Variants in CCDC149 observed in about 807,000 individuals in gnomAD.
The protein encoded by CCDC149 is coiled-coil domain containing 149.
In CCDC149, 45 loss-of-function variants were observed where a neutral mutation model predicts 59.9. The ratio of observed to expected loss-of-function variants is 0.75; its 90% CI spans 0.59 to 0.96. CCDC149 has a LOEUF of 0.96. Among genes scored for constraint, CCDC149 ranks in the 40% least tolerant of loss-of-function variants. The probability of loss-of-function intolerance (pLI) is 0.00; values close to 1 mark genes in which losing one functional copy is unlikely to be tolerated. For synonymous variants in CCDC149, 245 were observed against 260.6 expected (o/e 0.94, Z 0.58); for missense variants, 584 against 664.7 (o/e 0.88, Z 1.33).
chr4:24,821,307 C>T (rs2109107294), intron 10 of CCDC149, among the ~76,000 whole-genome samples: 1 of 152,122 alleles, frequency 6.6e-6, no homozygotes, highest in Admixed American at 6.5e-5. Context: ...ATGGAAATGG[C>T]AATCTCACTG....
chr4:24,832,373 T>C (rs557616405), intron 8 of CCDC149, among the ~76,000 whole-genome samples: 2 of 152,316 alleles, frequency 1.3e-5, no homozygotes, highest in African/African-American at 4.8e-5. Context: ...ACTGCAAATA[T>C]CTAAATATTG....
intron 1 of CCDC149, among the ~76,000 whole-genome samples, chr4:24,923,689 A>C (rs1418471122): frequency 6.6e-6 from 1 of 152,214 alleles, no homozygotes; most frequent in Admixed American, 6.5e-5. Context: ...GAGTGACAAG[A>C]GATCAGACTG....
In CCDC149 at chr4:24,838,292, A is replaced by G. The variant is rs755600252; in HGVS notation, c.373-20T>C. 8.0e-5 allele frequency: 125 copies of G among 1,563,054 alleles called. No homozygotes were observed. Among genetic ancestry groups the G allele is most frequent in the Non-Finnish European group, 1.0e-4 (117 of 1,133,646 alleles). ...CAAGAGCTGCATTTTCCATTGGTAG[A>G]AAAAGAAAAAGGCACAGAGAATAAA... On this transcript the variant is annotated intron_variant, in intron 4 of 12. Transcript: ENST00000635206.
chr4:24,903,668 T>C (rs567195777), intron 1 of CCDC149, among the ~76,000 whole-genome samples: 2 of 152,308 alleles, frequency 1.3e-5, no homozygotes, highest in East Asian at 3.9e-4. Context: ...CATGTAACCA[T>C]CATCACAATC....
At chr4:24,860,940 A>G (rs1718339338) in intron 3 of CCDC149, among the ~76,000 whole-genome samples, 1 of 152,196 alleles carries the variant, frequency 6.6e-6, no homozygotes, top group Non-Finnish European at 1.5e-5. Context: ...CTGTAAGGCC[A>G]TAATTTAAAA....
At chr4:24,861,510 A>G (rs1718384973) in intron 3 of CCDC149, among the ~76,000 whole-genome samples, 1 of 152,164 alleles carries the variant, frequency 6.6e-6, no homozygotes, top group Non-Finnish European at 1.5e-5. Flanking sequence ...GGTGAAGAAT[A>G]AAAGACTACA....
chr4:24,945,624 C>CTTTTTT (rs33977689), intron 1 of CCDC149, among the ~76,000 whole-genome samples: 1 of 141,764 alleles, frequency 7.1e-6, no homozygotes, highest in Admixed American at 7.0e-5. Context: ...TATGCCCTAA[C>CTTTTTT]TTTTTTTTTT....
At chr4:24,874,244 G>GTGTTTTTTTTTTTTTT (rs1719240939) in intron 2 of CCDC149, among the ~76,000 whole-genome samples, 2 of 87,488 alleles carry the variant, frequency 2.3e-5, no homozygotes, top group African/African-American at 1.2e-4. Flanking sequence ...TATTAGATTT[G>GTGTTTTTTTTTTTTTT]TTTTTTTTTT....
At chr4:24,915,918 T>A (rs1722109819), upstream of CCDC149, among the ~76,000 whole-genome samples, 4 of 152,248 alleles carry the variant, frequency 2.6e-5, no homozygotes, top group South Asian at 8.3e-4. Flanking sequence ...AGACACCTCA[T>A]CAACAGCAGC....
At chr4:24,953,616 A>C (rs1045391150) in intron 1 of CCDC149, among the ~76,000 whole-genome samples, 41 of 152,288 alleles carry the variant, frequency 2.7e-4, no homozygotes, top group African/African-American at 9.1e-4. Flanking sequence ...ATTATATACA[A>C]ATGTCTAGTT....
intron 1 of CCDC149, among the ~76,000 whole-genome samples, chr4:24,958,506 T>C (rs550831562): frequency 5.3e-5 from 8 of 152,306 alleles, no homozygotes; most frequent in African/African-American, 1.9e-4. Context: ...ACTAATTCTA[T>C]CAACTATTCC....
At chr4:24,907,983 T>C (rs1449869475) in intron 1 of CCDC149, among the ~76,000 whole-genome samples, 1 of 152,142 alleles carries the variant, frequency 6.6e-6, no homozygotes, top group African/African-American at 2.4e-5. Flanking sequence ...CACATTGTCT[T>C]CTCTTTGTGC....
At position 24,876,591 on chromosome 4, in the gene CCDC149, G is replaced by A. The variant is rs1324816027; in HGVS notation, c.170C>T (p.Ala57Val). The A allele has an allele frequency of 6.2e-7, 1 of 1,613,950 alleles. No homozygotes were observed. Among genetic ancestry groups the A allele is most frequent in the Non-Finnish European group, 8.5e-7 (1 of 1,179,990 alleles). ...CTGGTGGCGCTCCCGGAGCTGATTG[G>A]CCATGAGTTTGTACTGGTCCCTTTC... The change falls in exon 2 of 13, where the codon GCC (alanine) becomes GTC (valine). Residue 57 changes from alanine (A) to valine (V), a missense_variant. Coordinates refer to ENST00000635206, the MANE Select transcript of CCDC149 (RefSeq NM_001330643.2).
rs1159284030 is a variant in CCDC149 at position 24,908,004 on chromosome 4, C to A, written c.63+4813G>T. 2.0e-5 allele frequency among the ~76,000 whole-genome samples: 3 copies of A among 152,004 alleles called. No individual in the cohort carries two copies. In the East Asian group the frequency reaches 5.8e-4, roughly 29 times the overall value. ...GTCTTCTCTTTGTGCATCTCTGTGCCCAAATTTGCCTCTTCTGATAAGGAC... is the reference window on the plus strand; with the variant it reads ...GTCTTCTCTTTGTGCATCTCTGTGCACAAATTTGCCTCTTCTGATAAGGAC... On this transcript the variant is annotated intron_variant, in intron 1 of 12. Coordinates refer to ENST00000635206, the MANE Select transcript of CCDC149 (RefSeq NM_001330643.2).
chr4:24,923,613 G>A (rs973742953), intron 1 of CCDC149, among the ~76,000 whole-genome samples: 4 of 152,190 alleles, frequency 2.6e-5, no homozygotes, highest in African/African-American at 9.7e-5. Context: ...GGGGCAGAGA[G>A]AACAGGTGAA....
At chr4:24,958,755 G>A (rs891521159) in intron 1 of CCDC149, among the ~76,000 whole-genome samples, 2 of 152,256 alleles carry the variant, frequency 1.3e-5, no homozygotes, top group South Asian at 4.1e-4. Context: ...AAAAAAGCCA[G>A]GTGCGGTGGC....
chr4:24,853,081 G>T lies in CCDC149; in HGVS notation c.363C>A (p.Gly121=). The T allele has an allele frequency of 6.2e-7, 1 of 1,607,590 alleles. No homozygotes were observed. Among genetic ancestry groups the T allele is most frequent in the Non-Finnish European group, 8.5e-7 (1 of 1,174,224 alleles). Residue 121 remains glycine, a synonymous_variant, in exon 4 of 13, where the codon GGC becomes GGA. Transcript: ENST00000635206. ...TAAATACTCACAGTACCTTGTTGTC[G>T]CCCTGGACTTCTCCAAGCCTTTGCT...
At chr4:24,951,891 C>T (rs543523131) in intron 1 of CCDC149, among the ~76,000 whole-genome samples, 2 of 152,316 alleles carry the variant, frequency 1.3e-5, no homozygotes, top group African/African-American at 4.8e-5. Flanking sequence ...CCCTCTGAAA[C>T]TCCGCAGAGG....
At chr4:24,884,036 G>A (rs889782420) in intron 1 of CCDC149, among the ~76,000 whole-genome samples, 24 of 152,254 alleles carry the variant, frequency 1.6e-4, no homozygotes, top group African/African-American at 5.3e-4. Context: ...AGAGGTAACC[G>A]CATAGCTCAG....
Sources: gnomAD v4.1 joint callset for allele counts (sites outside exome capture counted in the v4.1 genomes callset) on GRCh38, gnomAD v4.1.1 for gene constraint, MANE v1.5 for transcripts, NCBI Gene and HGNC (gene_info 2026-07-23, HGNC 2026-07-21) for gene names.